RCN1: variants seen among roughly 807,000 people sequenced by gnomAD.
The protein encoded by RCN1 is reticulocalbin 1.
In RCN1, 14 loss-of-function variants were observed where a neutral mutation model predicts 34.7. The observed-to-expected ratio is 0.40, with a 90% CI of 0.27 to 0.63. The LOEUF (loss-of-function observed/expected upper bound fraction) is 0.63, where lower values mean the gene tolerates loss of function less well. Among genes scored for constraint, RCN1 ranks in the 30% least tolerant of loss-of-function variants. The pLI is 0.37. For missense variants in RCN1, 326 were observed against 425.1 expected (o/e 0.77, Z 2.05); for synonymous variants, 125 against 165.5 (o/e 0.76, Z 1.88).
chr11:32,096,239 C>T (rs1457055061), intron 1 of RCN1, among the ~76,000 whole-genome samples: 2 of 152,168 alleles, frequency 1.3e-5, no homozygotes, highest in Non-Finnish European at 2.9e-5. Flanking sequence ...TTTTTAAACA[C>T]TGGGGATAGC....
intron 1 of RCN1, among the ~76,000 whole-genome samples, chr11:32,092,136 G>A (rs757592377): frequency 2.6e-5 from 4 of 151,828 alleles, no homozygotes; most frequent in Admixed American, 1.3e-4. Flanking sequence ...GCGAAATCCC[G>A]TCTCTACTAA....
At chr11:32,099,236 G>A (rs944540227) in intron 3 of RCN1, among the ~76,000 whole-genome samples, 1 of 152,036 alleles carries the variant, frequency 6.6e-6, no homozygotes, top group Admixed American at 6.6e-5. Context: ...CAGGAGAATC[G>A]CTTAAACCCA....
chr11:32,099,625 A>G (rs1295367928), intron 3 of RCN1, among the ~76,000 whole-genome samples: 1 of 152,146 alleles, frequency 6.6e-6, no homozygotes, highest in East Asian at 1.9e-4. Flanking sequence ...TTCCATGACA[A>G]TTAAATAAAT....
chr11:32,097,960 C>T (rs111548206), intron 2 of RCN1, among the ~76,000 whole-genome samples: 3 of 152,276 alleles, frequency 2.0e-5, no homozygotes, highest in African/African-American at 4.8e-5. Flanking sequence ...TGCACTCACG[C>T]GGCCAGAATC....
rs573502227 is a variant in RCN1 at position 32,094,231 on chromosome 11, A to G, written c.254+2781A>G. On this transcript the variant is annotated intron_variant, in intron 1 of 5. Transcript: ENST00000054950. ...GGATCTAGGCAACTTTGTCACCATC[A>G]CCTGTCAGTCCTGAAAATGTGACAG... 5.7e-4 allele frequency among the ~76,000 whole-genome samples: 87 copies of G among 152,182 alleles called. 1 individual carries two copies. The highest frequency in any genetic ancestry group is 2.0e-3 in the African/African-American group (84 of 41,530).
rs1278657071 is a variant in RCN1, at chr11:32,091,367, G to A, written c.171G>A (p.Gln57=). ...CCCCTGAGGACAACCAGAGCTTCCA[G>A]TACGACCACGAGGCCTTCCTGGGCA... is the stretch of plus-strand genomic sequence containing the variant. ...ERPPEDNQSF[Q]YDHEAFLGKE... is the part of the protein sequence containing the mutation. Residue 57 remains glutamine (Q), a synonymous_variant, in exon 1 of 6, where the codon CAG becomes CAA. Transcript: ENST00000054950. 1.9e-6 allele frequency: 3 copies of A among 1,549,604 alleles called. No homozygotes were observed. The highest frequency in any genetic ancestry group is 2.6e-6 in the Non-Finnish European group (3 of 1,146,422).
chr11:32,096,677 T>G (rs1353677868), intron 1 of RCN1: 1 of 153,812 alleles, frequency 6.5e-6, no homozygotes, highest in African/African-American at 2.4e-5. Flanking sequence ...CCAGAAGACA[T>G]GAGTTCTCAC....
intron 1 of RCN1, chr11:32,091,663 C>T: frequency 1.7e-6 from 1 of 592,522 alleles, no homozygotes; most frequent in East Asian, 3.5e-5. Flanking sequence ...CGCGCCCCGG[C>T]CGGGGTGGTT....
chr11:32,100,525 C>A, intron 3 of RCN1, 23 bp from the exon 4 acceptor site: 1 of 1,606,260 alleles, frequency 6.2e-7, no homozygotes. Context: ...ATCTTGCATT[C>A]TGTTTTACCT....
chr11:32,091,778 G>T (rs1469938790), intron 1 of RCN1: 6 of 361,474 alleles, frequency 1.7e-5, no homozygotes. Context: ...GTGCACAAAA[G>T]AAGAGTTTGT....
rs762761140 is a variant in RCN1, at chr11:32,104,378, C to T, written c.902C>T (p.Thr301Ile). The T allele has an allele frequency of 1.5e-5, 24 of 1,570,808 alleles. No homozygotes were observed. The highest frequency in any genetic ancestry group is 1.1e-5 in the Non-Finnish European group (13 of 1,141,256). ...TCTCTTCTATAGGATGAGAAGCTAA[C>T]TAAAGAGGAAATATTGGAGAACTGG... Reference protein sequence around the residue: ...ESDKNKDEKLTKEEILENWNM... With the variant: ...ESDKNKDEKLIKEEILENWNM... The change falls in exon 6 of 6, where the codon ACT (threonine) becomes ATT (isoleucine). Residue 301 changes from threonine (T) to isoleucine (I), a missense_variant. Physicochemically the swap from Thr to Ile is moderately conservative, Grantham distance 89 (BLOSUM62 -1). Coordinates refer to ENST00000054950, the MANE Select transcript of RCN1 (RefSeq NM_002901.4).
chr11:32,102,105 C>CG (rs1852050555), intron 4 of RCN1: 1 of 151,962 alleles, frequency 6.6e-6, no homozygotes, highest in Non-Finnish European at 1.5e-5. Context: ...TTTCACTTCT[C>CG]GGGGAGGCTT....
rs201302395 is a variant in RCN1, at chr11:32,104,373, G to T, written c.897G>T (p.Lys299Asn). Residue 299 changes from lysine (K) to asparagine (N), a missense_variant, in exon 6 of 6, where the codon AAG becomes AAT. Physicochemically the swap from Lys to Asn is moderately conservative, Grantham distance 94. Transcript: ENST00000054950. ...VYESDKNKDE[K>N]LTKEEILENW... ...TTTGATCTCTTCTATAGGATGAGAA[G>T]CTAACTAAAGAGGAAATATTGGAGA... is the stretch of plus-strand genomic sequence containing the variant. 1.1e-5 allele frequency: 18 copies of T among 1,565,560 alleles called. No homozygotes were observed. In the East Asian group the frequency reaches 3.4e-4, roughly 29 times the overall value.
Position 32,098,366 on chromosome 11 carries a change from T to G in RCN1, c.465T>G (p.Phe155Leu). 1 of 1,611,818 alleles carries G rather than the reference T, an allele frequency of 6.2e-7. No individual in the cohort carries two copies. The highest frequency in any genetic ancestry group is 8.5e-7 in the Non-Finnish European group (1 of 1,179,408). Residue 155 changes from phenylalanine to leucine, a missense_variant, in exon 3 of 6, where the codon TTT becomes TTG. Coordinates refer to ENST00000054950, the MANE Select transcript of RCN1 (RefSeq NM_002901.4). ...ATCCTGCAGGAAACCCCGCAGAGTT[T>G]CATGATTCTTCAGATCATCACACCT... ...YGYYLGNPAE[F>L]HDSSDHHTFK...
In RCN1 at chr11:32,100,671, G is replaced by A. The variant is rs562158142; in HGVS notation, c.688+63G>A. On this transcript the variant is annotated intron_variant, in intron 4 of 5. Transcript: ENST00000054950. ...CTGGGCCACATGACCCCACCCACAC[G>A]TCTGGCTACTTTCCCCAGACGTCTC... 4.6e-4 allele frequency: 612 copies of A among 1,334,844 alleles called. 6 individuals carry two copies. In the South Asian group the frequency reaches 5.9e-3, roughly 13 times the overall value. The allele number at this position is 1,334,844 out of a possible 1,614,324, so 82.7% of individuals were successfully genotyped here.
At chr11:32,100,020 C>T (rs1852018090) in intron 3 of RCN1, among the ~76,000 whole-genome samples, 1 of 152,124 alleles carries the variant, frequency 6.6e-6, no homozygotes, top group Admixed American at 6.5e-5. Flanking sequence ...ATTATTGACC[C>T]AATCAAAAAA....
At chr11:32,093,623 C>T (rs1210626251) in intron 1 of RCN1, among the ~76,000 whole-genome samples, 2 of 151,872 alleles carry the variant, frequency 1.3e-5, no homozygotes, top group South Asian at 2.1e-4. Context: ...GTTTGAAAAG[C>T]GTTCTGGGGC....
Position 32,097,273 on chromosome 11 carries a change from T to C in RCN1, c.384T>C (p.Asp128=), listed in dbSNP as rs1851983414. Reference sequence around the variant, plus strand: ...TCGCCAAAGTCTGGAAGGATTATGATAGGGACAAGGATGATAAAATTTCCT... The same window carrying C: ...TCGCCAAAGTCTGGAAGGATTATGACAGGGACAAGGATGATAAAATTTCCT... ...DNVAKVWKDY[D]RDKDDKISWE... is the part of the protein sequence containing the mutation. The change falls in exon 2 of 6, where the codon GAT becomes GAC. Residue 128 remains aspartate (D), a synonymous_variant. Coordinates refer to ENST00000054950, the MANE Select transcript of RCN1 (RefSeq NM_002901.4). 6.2e-7 allele frequency: 1 copy of C among 1,604,060 alleles called. No individual in the cohort carries two copies. The highest frequency in any genetic ancestry group is 2.2e-5 in the East Asian group (1 of 44,786).
Position 32,091,344 on chromosome 11 carries a change from C to G in RCN1, c.148C>G (p.Pro50Ala), listed in dbSNP as rs895173058. 1.7e-5 allele frequency: 26 copies of G among 1,548,728 alleles called. No homozygotes were observed. The highest frequency in any genetic ancestry group is 2.2e-5 in the Non-Finnish European group (25 of 1,146,366). Residue 50 changes from proline to alanine, a missense_variant, in exon 1 of 6, where the codon CCT becomes GCT. Pro to Ala is a conservative substitution (Grantham distance 27). Coordinates refer to ENST00000054950, the MANE Select transcript of RCN1 (RefSeq NM_002901.4). ...RPDSELGERP[P>A]EDNQSFQYDH... is the part of the protein sequence containing the mutation. ...CGACTCGGAGCTGGGCGAGCGGCCC[C>G]CTGAGGACAACCAGAGCTTCCAGTA... is the stretch of plus-strand genomic sequence containing the variant.
Sources: gnomAD v4.1 joint callset for allele counts (sites outside exome capture counted in the v4.1 genomes callset) on GRCh38, gnomAD v4.1.1 for gene constraint, MANE v1.5 for transcripts, NCBI Gene and HGNC (gene_info 2026-07-23, HGNC 2026-07-21) for gene names.